CACNA2D3: variants seen among roughly 807,000 people sequenced by gnomAD.
The protein encoded by CACNA2D3 is calcium voltage-gated channel auxiliary subunit alpha2delta 3.
CACNA2D3 carries 60 observed loss-of-function variants against 160.6 expected under a neutral mutation model. The ratio of observed to expected loss-of-function variants is 0.37; its 90% CI spans 0.30 to 0.46. CACNA2D3 has a LOEUF of 0.46. Among genes scored for constraint, CACNA2D3 ranks in the 20% least tolerant of loss-of-function variants. The probability of loss-of-function intolerance (pLI) is 1.00; values close to 1 mark genes in which losing one functional copy is unlikely to be tolerated. For synonymous variants in CACNA2D3, 558 were observed against 492.9 expected (o/e 1.13, Z -1.75); for missense variants, 1,205 against 1,365.0 (o/e 0.88, Z 1.85).
chr3:54,712,523 GCA>G (rs1700970767), intron 11 of CACNA2D3, among the ~76,000 whole-genome samples: 1 of 152,154 alleles, frequency 6.6e-6, no homozygotes, highest in African/African-American at 2.4e-5. Flanking sequence ...GATTTTCCCT[GCA>G]CAAGCTCCAT....
intron 9 of CACNA2D3, among the ~76,000 whole-genome samples, chr3:54,588,219 T>C (rs7430890): frequency 0.38 from 57,301 of 152,026 alleles, 11,164 homozygotes; most frequent in East Asian, 0.51. Flanking sequence ...ACTCATATGA[T>C]CATATTAATT....
intron 4 of CACNA2D3, among the ~76,000 whole-genome samples, chr3:54,479,013 G>A (rs1700889192): frequency 6.6e-6 from 1 of 151,762 alleles, no homozygotes; most frequent in South Asian, 2.1e-4. Flanking sequence ...ACCTTGAATT[G>A]TAGTTACTGT....
At chr3:54,721,811 T>G (rs1701175044) in intron 11 of CACNA2D3, among the ~76,000 whole-genome samples, 1 of 150,754 alleles carries the variant, frequency 6.6e-6, no homozygotes, top group African/African-American at 2.4e-5. Flanking sequence ...CCTTTGTGGG[T>G]AATTCGACCT....
At chr3:54,575,642 T>C (rs1702568023) in intron 8 of CACNA2D3, among the ~76,000 whole-genome samples, 1 of 152,190 alleles carries the variant, frequency 6.6e-6, no homozygotes, top group Non-Finnish European at 1.5e-5. Flanking sequence ...CAACACAGTG[T>C]GGCCAGTGCA....
chr3:55,061,784 C>T (rs1172941043), intron 35 of CACNA2D3, among the ~76,000 whole-genome samples: 1 of 152,194 alleles, frequency 6.6e-6, no homozygotes, highest in African/African-American at 2.4e-5. Flanking sequence ...GAACCCATTG[C>T]TTTCTCCAGG....
chr3:54,642,063 G>C (rs1353133490), intron 10 of CACNA2D3, 65 bp from the exon 11 acceptor site: 2 of 1,057,940 alleles, frequency 1.9e-6, no homozygotes, highest in Non-Finnish European at 2.7e-6. Context: ...TCATGTCTCT[G>C]ATTTTTCACT....
chr3:54,720,249 G>A (rs1245066419), intron 11 of CACNA2D3, among the ~76,000 whole-genome samples: 1 of 151,676 alleles, frequency 6.6e-6, no homozygotes, highest in African/African-American at 2.4e-5. Flanking sequence ...TTTATTATAT[G>A]TATTTACAGA....
chr3:54,254,064 C>T (rs1409275899), intron 2 of CACNA2D3, among the ~76,000 whole-genome samples: 2 of 152,070 alleles, frequency 1.3e-5, no homozygotes, highest in African/African-American at 2.4e-5. Context: ...TGCGCCCGGC[C>T]GATTTCCTGT....
At chr3:54,739,253 C>G (rs1418135174) in intron 11 of CACNA2D3, among the ~76,000 whole-genome samples, 2 of 151,940 alleles carry the variant, frequency 1.3e-5, no homozygotes, top group African/African-American at 4.8e-5. Flanking sequence ...AACCCCATCT[C>G]TACTAAACAT....
intron 9 of CACNA2D3, chr3:54,626,699 A>AG (rs1559531085): frequency 2.7e-6 from 2 of 738,412 alleles, no homozygotes; most frequent in Non-Finnish European, 4.5e-6. Flanking sequence ...AAAAAAAAAA[A>AG]AAAAAAAAAA....
intron 11 of CACNA2D3, among the ~76,000 whole-genome samples, chr3:54,653,295 C>T (rs760787846): frequency 1.3e-5 from 2 of 152,214 alleles, no homozygotes; most frequent in Non-Finnish European, 2.9e-5. Context: ...CTATTTCTCA[C>T]TGCTGTTTCA....
intron 5 of CACNA2D3, among the ~76,000 whole-genome samples, chr3:54,509,230 A>C (rs1396460341): frequency 6.6e-6 from 1 of 152,156 alleles, no homozygotes; most frequent in Non-Finnish European, 1.5e-5. Context: ...AAACCTTATA[A>C]AAAGCTGTTT....
intron 11 of CACNA2D3, among the ~76,000 whole-genome samples, chr3:54,716,937 T>C (rs2106976019): frequency 6.6e-6 from 1 of 151,674 alleles, no homozygotes; most frequent in Non-Finnish European, 1.5e-5. Context: ...AAGTTCCCTC[T>C]ACCATGTTAA....
chr3:54,466,190 A>C (rs748065139), intron 4 of CACNA2D3, among the ~76,000 whole-genome samples: 6 of 152,248 alleles, frequency 3.9e-5, no homozygotes, highest in Admixed American at 6.5e-5. Flanking sequence ...CCCCTAGATT[A>C]GTGTTTGAAT....
intron 5 of CACNA2D3, among the ~76,000 whole-genome samples, chr3:54,521,501 T>C (rs1291983444): frequency 6.6e-6 from 1 of 152,206 alleles, no homozygotes; most frequent in Non-Finnish European, 1.5e-5. Context: ...AGTTGTCTTT[T>C]TTGCTTTCTG....
At chr3:54,927,868 A>G in intron 27 of CACNA2D3, 2 of 1,612,614 alleles carry the variant, frequency 1.2e-6, no homozygotes, top group East Asian at 2.2e-5. Flanking sequence ...TTTCTCCCAG[A>G]CAAGAACTTT....
intron 12 of CACNA2D3, among the ~76,000 whole-genome samples, chr3:54,763,592 AACAC>A (rs891815810): frequency 3.0e-4 from 44 of 148,596 alleles, no homozygotes; most frequent in South Asian, 4.2e-4. Flanking sequence ...CCAGGGAATA[AACAC>A]ACACACACAG....
chr3:54,837,352 T>A, intron 15 of CACNA2D3, 122 bp downstream of exon 15: 1 of 778,918 alleles, frequency 1.3e-6, no homozygotes, highest in Non-Finnish European at 2.2e-6. Context: ...TTTTCCTTAT[T>A]GTTTGATCTT....
intron 2 of CACNA2D3, among the ~76,000 whole-genome samples, chr3:54,170,805 A>T (rs1408322256): frequency 6.6e-6 from 1 of 152,138 alleles, no homozygotes; most frequent in Non-Finnish European, 1.5e-5. Context: ...TTTTCATCAA[A>T]CTTGAACTCA....
Sources: gnomAD v4.1 joint callset for allele counts (sites outside exome capture counted in the v4.1 genomes callset) on GRCh38, gnomAD v4.1.1 for gene constraint, MANE v1.5 for transcripts, NCBI Gene and HGNC (gene_info 2026-07-23, HGNC 2026-07-21) for gene names.